Variants in MYH2 observed in about 807,000 individuals in gnomAD.
MYH2 encodes the protein myosin heavy chain 2.
A neutral mutation model predicts 228.1 loss-of-function variants in MYH2; 139 were observed. The ratio of observed to expected loss-of-function variants is 0.61; its 90% CI spans 0.53 to 0.70. The LOEUF is 0.70. Ranked by LOEUF, MYH2 falls within the 30% of genes least tolerant of loss-of-function variation. MYH2 has a pLI of 0.00. For missense variants in MYH2, 1,809 were observed against 2,357.5 expected (o/e 0.77, Z 4.82); for synonymous variants, 796 against 871.1 (o/e 0.91, Z 1.52).
chr17:10,523,981 C>A, intron 35 of MYH2, 97 bp from the exon 36 acceptor site: 2 of 1,188,026 alleles, frequency 1.7e-6, no homozygotes, highest in South Asian at 2.9e-5. Context: ...ATTTGCAAGT[C>A]AAAAAATGCC....
rs572665596 is a variant in MYH2 at position 10,534,443 on chromosome 17, A to T, written c.2180+630T>A. On this transcript the variant is annotated intron_variant, in intron 19 of 39. Transcript: ENST00000245503. ...ATCTATAAAGTGAAGTCTTAATAGT[A>T]CCTACTTGCACTGTGTTTTTGCGAG... Among the ~76,000 whole-genome samples, 4 of 152,310 alleles carry T rather than the reference A, an allele frequency of 2.6e-5. No individual in the cohort carries two copies. In the South Asian group the frequency reaches 8.3e-4, roughly 32 times the overall value.
chr17:10,543,402 T>C (rs2073583320), intron 8 of MYH2, among the ~76,000 whole-genome samples: 1 of 152,220 alleles, frequency 6.6e-6, no homozygotes, highest in Non-Finnish European at 1.5e-5. Flanking sequence ...AATCATTCCA[T>C]AATATACACA....
Position 10,521,242 on chromosome 17 carries a change from G to A in MYH2, c.*38C>T. On this transcript the variant is annotated 3_prime_UTR_variant, in exon 40 of 40. Transcript: ENST00000245503. Reference sequence around the variant, plus strand: ...GAAATGACCAAAGATGTCACATTTTGTGCCTGTCTTCAGTCATTCCATGGC... The same window carrying A: ...GAAATGACCAAAGATGTCACATTTTATGCCTGTCTTCAGTCATTCCATGGC... 6.2e-7 allele frequency: 1 copy of A among 1,608,944 alleles called. No individual in the cohort carries two copies. Among genetic ancestry groups the A allele is most frequent in the South Asian group, 1.1e-5 (1 of 90,946 alleles).
chr17:10,527,413 C>T (rs1334878443), intron 28 of MYH2, among the ~76,000 whole-genome samples: 1 of 152,176 alleles, frequency 6.6e-6, no homozygotes, highest in Admixed American at 6.5e-5. Flanking sequence ...TTCATTGCCC[C>T]ATTCTGGAAG....
Position 10,527,784 on chromosome 17 carries a change from G to C in MYH2, c.3835C>G (p.Leu1279Val). 1 of 1,614,088 alleles carries C rather than the reference G, an allele frequency of 6.2e-7. No individual in the cohort carries two copies. ...TGCAGGCGCCCCCTCTGCGCAGTCA[G>C]GTCATTGATCAGCCGCTGCTGCTCC... ...EEEQQRLIND[L>V]TAQRGRLQTE... is the part of the protein sequence containing the mutation. The change falls in exon 28 of 40, where the codon CTG becomes GTG. Residue 1279 changes from leucine to valine, a missense_variant. Leu to Val is a conservative substitution (Grantham distance 32, BLOSUM62 1). Coordinates refer to ENST00000245503, the MANE Select transcript of MYH2 (RefSeq NM_017534.6).
chr17:10,523,896 G>C lies in MYH2; in HGVS notation c.5176-12C>G. The C allele has an allele frequency of 6.2e-7, 1 of 1,609,674 alleles. No individual in the cohort carries two copies. The highest frequency in any genetic ancestry group is 1.1e-5 in the South Asian group (1 of 90,278). On this transcript the variant is annotated splice_polypyrimidine_tract_variant and intron_variant, in intron 35 of 39. Transcript: ENST00000245503. Reference sequence around the variant, plus strand: ...ATCAGGCTGGTGTTCTGTTTAAAAAGAATTTGTACATTTAAAAAATTGTGT... The same window carrying C: ...ATCAGGCTGGTGTTCTGTTTAAAAACAATTTGTACATTTAAAAAATTGTGT...
intron 2 of MYH2, among the ~76,000 whole-genome samples, chr17:10,548,320 C>G (rs2073660594): frequency 6.6e-6 from 1 of 152,160 alleles, no homozygotes; most frequent in African/African-American, 2.4e-5. Context: ...TTTCTAAATT[C>G]ACAGCCCATG....
At chr17:10,533,468 A>G in intron 20 of MYH2, 41 bp downstream of exon 20, 1 of 1,614,164 alleles carries the variant, frequency 6.2e-7, no homozygotes, top group Non-Finnish European at 8.5e-7. Context: ...TAAAGTTCAA[A>G]GGGACAGGAA....
At position 10,539,582 on chromosome 17, in the gene MYH2, G is replaced by C. The variant is rs1184631899; in HGVS notation, c.1148-20C>G. 3 of 1,596,208 alleles carry C rather than the reference G, an allele frequency of 1.9e-6. No homozygotes were observed. Among genetic ancestry groups the C allele is most frequent in the Non-Finnish European group, 2.6e-6 (3 of 1,163,942 alleles). Reference sequence around the variant, plus strand: ...CAGCAACTAAAAAGAAGAAAGAGTAGAACAATGTTATTGTGGCCCAAAGAA... The same window carrying C: ...CAGCAACTAAAAAGAAGAAAGAGTACAACAATGTTATTGTGGCCCAAAGAA... On this transcript the variant is annotated intron_variant, in intron 12 of 39. Coordinates refer to ENST00000245503, the MANE Select transcript of MYH2 (RefSeq NM_017534.6).
intron 22 of MYH2, among the ~76,000 whole-genome samples, chr17:10,530,743 T>C (rs898770604): frequency 6.6e-6 from 1 of 152,186 alleles, no homozygotes; most frequent in Non-Finnish European, 1.5e-5. Flanking sequence ...CAGGGTGCTA[T>C]GTATAACTGT....
At position 10,521,311 on chromosome 17, in the gene MYH2, T is replaced by A; in HGVS notation, c.5795A>T (p.Glu1932Val). ...QVNKLRVKSR[E>V]VHTKVISEE is the part of the protein sequence containing the mutation. ...TTCACTTATGACTTTTGTGTGAACC[T>A]CCCGGCTCTTCACCCGCAGTTTGTT... Residue 1932 changes from glutamate to valine, a missense_variant, in exon 40 of 40, where the codon GAG becomes GTG. Coordinates refer to ENST00000245503, the MANE Select transcript of MYH2 (RefSeq NM_017534.6). The A allele has an allele frequency of 6.2e-7, 1 of 1,614,096 alleles. No individual in the cohort carries two copies. The highest frequency in any genetic ancestry group is 1.1e-5 in the South Asian group (1 of 91,072).
At chr17:10,540,561 A>T in intron 11 of MYH2, 33 bp downstream of exon 11, 1 of 1,526,818 alleles carries the variant, frequency 6.5e-7, no homozygotes, top group East Asian at 2.3e-5. Context: ...CTGACCCACC[A>T]TAATAATTCC....
In MYH2 at chr17:10,525,458, G is replaced by A; in HGVS notation, c.4530C>T (p.Asn1510=). 6.2e-7 allele frequency: 1 copy of A among 1,614,192 alleles called. No homozygotes were observed. Among genetic ancestry groups the A allele is most frequent in the Non-Finnish European group, 8.5e-7 (1 of 1,180,040 alleles). The stretch of plus-strand genomic sequence containing the variant: ...AATATGATAGGGACTTACGCTGTAA[G>A]TTTTTGTTCTCTCGCTTCAGGGTTT... ...QLETLKRENK[N]LQQEISDLTE... is the part of the protein sequence containing the mutation. Residue 1510 remains asparagine (N), a synonymous_variant, in exon 32 of 40, where the codon AAC becomes AAT. Coordinates refer to ENST00000245503, the MANE Select transcript of MYH2 (RefSeq NM_017534.6). The surrounding 1 kb of genome is among the most constrained non-coding windows in gnomAD (Gnocchi z 4.2).
chr17:10,538,193 G>T (rs1325112172), intron 14 of MYH2, among the ~76,000 whole-genome samples: 1 of 151,758 alleles, frequency 6.6e-6, no homozygotes, highest in Non-Finnish European at 1.5e-5. Flanking sequence ...ACTCATTTAG[G>T]AGCCAACTTG....
Position 10,528,916 on chromosome 17 carries a change from C to A in MYH2, c.3518G>T (p.Arg1173Leu). The change falls in exon 27 of 40, where the codon CGG (arginine) becomes CTG (leucine). Residue 1173 changes from arginine (R) to leucine (L), a missense_variant. Around this residue, in one of 9 missense-constraint regions of MYH2, gnomAD observed 636 missense variants for 729.9 expected, o/e 0.87. Transcript: ENST00000245503. ...GCGCATTTTCTGGAACTCAGCCTCC[C>A]GCTTCTTGTTCATCTCAATCTGGGC... ...TSAQIEMNKKREAEFQKMRRD... is the reference protein window; with the variant it reads ...TSAQIEMNKKLEAEFQKMRRD... 6.2e-7 allele frequency: 1 copy of A among 1,614,198 alleles called. No individual in the cohort carries two copies. The highest frequency in any genetic ancestry group is 1.1e-5 in the South Asian group (1 of 91,086).
At chr17:10,544,743 G>A (rs1481954140) in intron 5 of MYH2, among the ~76,000 whole-genome samples, 1 of 152,182 alleles carries the variant, frequency 6.6e-6, no homozygotes, top group Non-Finnish European at 1.5e-5. Context: ...GGTGCCACAA[G>A]TAGTTTAGAT....
rs368821313 is a variant in MYH2, at chr17:10,545,698, G to A, written c.349-196C>T. ...TCCCACCTCACCCTTCCAAGTAGCT[G>A]GTACTACAGGCATGCATCACCATGC... On this transcript the variant is annotated intron_variant, in intron 4 of 39. Transcript: ENST00000245503. 7.9e-5 allele frequency among the ~76,000 whole-genome samples: 12 copies of A among 152,072 alleles called. No homozygotes were observed. In the East Asian group the frequency reaches 1.5e-3, roughly 20 times the overall value.
rs1442289128 is a variant in MYH2, at chr17:10,548,042, TAGAC to T, written c.-20-106_-20-103del. On this transcript the variant is annotated intron_variant, in intron 2 of 39. Coordinates refer to ENST00000245503, the MANE Select transcript of MYH2 (RefSeq NM_017534.6). The stretch of plus-strand genomic sequence containing the variant: ...TCATAGGCCCAGTTGGAAATTCCAC[TAGAC>T]AGGTCTACTGTTCACCATACTATAG... 4.1e-6 allele frequency: 4 copies of T among 984,674 alleles called. No homozygotes were observed. In the East Asian group the frequency reaches 1.0e-4, roughly 26 times the overall value. The allele number at this position is 984,674 out of a possible 1,614,324, so 61.0% of individuals were successfully genotyped here.
chr17:10,547,363 G>T, intron 4 of MYH2, 112 bp downstream of exon 4: 1 of 1,353,236 alleles, frequency 7.4e-7, no homozygotes, highest in Non-Finnish European at 1.1e-6. Flanking sequence ...TAGTTATGCT[G>T]CAATGAAAGT....
Sources: gnomAD v4.1 joint callset for allele counts (sites outside exome capture counted in the v4.1 genomes callset) on GRCh38, gnomAD v4.1.1 for gene constraint, gnomAD v4.1.1 regional missense constraint, Gnocchi (gnomAD v3.1) non-coding constraint, MANE v1.5 for transcripts, NCBI Gene and HGNC (gene_info 2026-07-23, HGNC 2026-07-21) for gene names.